The following ACSF2 variants were observed in gnomAD, a reference collection of about 807,000 sequenced individuals.
The protein encoded by ACSF2 is medium-chain acyl-CoA ligase ACSF2, mitochondrial.
Under a neutral mutation model 79.3 loss-of-function variants are expected in ACSF2, and 52 were observed. The ratio of observed to expected loss-of-function variants is 0.66; its 90% CI spans 0.53 to 0.83. The LOEUF is 0.83. ACSF2 is among the 40% of genes least tolerant of loss of function. ACSF2 has a pLI of 0.00. For synonymous variants in ACSF2, 283 were observed against 312.6 expected (o/e 0.91, Z 1.00); for missense variants, 661 against 803.3 (o/e 0.82, Z 2.14).
rs548579220 is a variant in ACSF2 at position 50,437,195 on chromosome 17, C to T, written c.128+10806C>T. On this transcript the variant is annotated intron_variant, in intron 1 of 15. Coordinates refer to ENST00000300441, the MANE Select transcript of ACSF2 (RefSeq NM_025149.6). ...AACTTTCAGTGGTGTGCAAGGGAGA[C>T]GGGAAGGGAGAGCCTGCCTTTCGAC... 1.6e-3 allele frequency among the ~76,000 whole-genome samples: 243 copies of T among 152,208 alleles called. 2 individuals are homozygous for T. Among genetic ancestry groups the T allele is most frequent in the African/African-American group, 5.4e-3 (223 of 41,512 alleles).
chr17:50,462,138 T>G, intron 4 of ACSF2, 46 bp from the exon 5 acceptor site: 1 of 1,567,904 alleles, frequency 6.4e-7, no homozygotes, highest in Non-Finnish European at 8.8e-7. Context: ...AGAGCTCTAG[T>G]CTGGGGCTCC....
intron 1 of ACSF2, among the ~76,000 whole-genome samples, chr17:50,429,088 C>T (rs982254952): frequency 6.6e-6 from 1 of 152,268 alleles, no homozygotes; most frequent in Admixed American, 6.5e-5. Flanking sequence ...TTACCAGACC[C>T]TGGTTTTGCC....
At chr17:50,464,360 A>G (rs2032545077) in intron 10 of ACSF2, 66 bp downstream of exon 10, 4 of 1,490,056 alleles carry the variant, frequency 2.7e-6, no homozygotes, top group Non-Finnish European at 3.7e-6. Context: ...ATGGACAGAC[A>G]TGGGGATGAG....
chr17:50,455,238 C>T (rs1229064364), intron 1 of ACSF2, among the ~76,000 whole-genome samples: 1 of 152,216 alleles, frequency 6.6e-6, no homozygotes, highest in Non-Finnish European at 1.5e-5. Flanking sequence ...CCACCTCGGC[C>T]TCCCAAAGTG....
intron 10 of ACSF2, chr17:50,465,645 A>G (rs1284195999): frequency 1.3e-6 from 2 of 1,584,210 alleles, no homozygotes; most frequent in Non-Finnish European, 8.7e-7. Context: ...GTCTTAGTGC[A>G]GGGCTAATGT....
intron 1 of ACSF2, chr17:50,460,466 A>G: frequency 1.7e-6 from 1 of 589,204 alleles, no homozygotes; most frequent in South Asian, 2.0e-5. Context: ...AGCTTGGTGT[A>G]ACCTTGTCCC....
intron 1 of ACSF2, among the ~76,000 whole-genome samples, chr17:50,440,870 A>C (rs897406330): frequency 2.0e-5 from 3 of 152,240 alleles, no homozygotes. Context: ...GAGCAGAACA[A>C]TGAGAGAAGA....
intron 12 of ACSF2, chr17:50,472,845 A>C: frequency 2.8e-6 from 1 of 362,774 alleles, no homozygotes. Context: ...GCAAATTCTT[A>C]CTAGAATTCC....
chr17:50,428,214 G>A (rs772813809), intron 1 of ACSF2, among the ~76,000 whole-genome samples: 9 of 152,208 alleles, frequency 5.9e-5, no homozygotes, highest in Non-Finnish European at 1.0e-4. Context: ...AGGCTGGGTG[G>A]GTGGCTCATG....
Position 50,454,382 on chromosome 17 carries a change from C to CA in ACSF2, c.129-6287dup, listed in dbSNP as rs537100624. On this transcript the variant is annotated intron_variant, in intron 1 of 15. Coordinates refer to ENST00000300441, the MANE Select transcript of ACSF2 (RefSeq NM_025149.6). ...AAATAAATAATTTAATTTTCAAAAG[C>CA]AAAAAAAAGAAAAAAGAAAGGAGAT... Among the ~76,000 whole-genome samples the CA allele has an allele frequency of 8.9e-4, 134 of 150,312 alleles. 1 individual carries two copies. The highest frequency in any genetic ancestry group is 8.7e-3 in the South Asian group (41 of 4,736).
chr17:50,437,365 C>T (rs1438027480), intron 1 of ACSF2, among the ~76,000 whole-genome samples: 1 of 152,146 alleles, frequency 6.6e-6, no homozygotes, highest in African/African-American at 2.4e-5. Flanking sequence ...AAATGTTGGT[C>T]TTGGCTAGGC....
In ACSF2 at chr17:50,473,971, G is replaced by A. The variant is rs112708565; in HGVS notation, c.1695G>A (p.Thr565=). Residue 565 remains threonine, a synonymous_variant, in exon 14 of 16, where the codon ACG becomes ACA. Coordinates refer to ENST00000300441, the MANE Select transcript of ACSF2 (RefSeq NM_025149.6). The part of the protein sequence containing the change: ...CIRLKDGEET[T]VEEIKAFCKG... ...GGCTGAAGGACGGGGAGGAGACCACGGTGGAGGAGATAAAAGCTTTCTGCA... is the reference window on the plus strand; with the variant it reads ...GGCTGAAGGACGGGGAGGAGACCACAGTGGAGGAGATAAAAGCTTTCTGCA... 3.7e-5 allele frequency: 57 copies of A among 1,528,132 alleles called. No individual in the cohort carries two copies. Among genetic ancestry groups the A allele is most frequent in the Admixed American group, 8.5e-5 (4 of 47,072 alleles). The allele number at this position is 1,528,132 out of a possible 1,614,324, so 94.7% of individuals were successfully genotyped here. A position where few individuals can be genotyped will look rare whatever the true frequency, so the allele number is the denominator to read the frequency against.
chr17:50,432,783 C>CTAAA (rs1479928161), intron 1 of ACSF2, among the ~76,000 whole-genome samples: 1 of 152,208 alleles, frequency 6.6e-6, no homozygotes, highest in African/African-American at 2.4e-5. Flanking sequence ...CTTAGTGTGG[C>CTAAA]TTTAGGCAAG....
intron 1 of ACSF2, among the ~76,000 whole-genome samples, chr17:50,447,517 G>A (rs2143607199): frequency 6.6e-6 from 1 of 151,764 alleles, no homozygotes; most frequent in South Asian, 2.1e-4. Context: ...ACTCCAGCCT[G>A]GGCCACAGAG....
At chr17:50,468,631 G>A (rs776285818) in intron 10 of ACSF2, 1 of 1,614,252 alleles carries the variant, frequency 6.2e-7, no homozygotes, top group South Asian at 1.1e-5. Context: ...CCGGGAAGTT[G>A]TTGCGCTGTA....
intron 10 of ACSF2, chr17:50,468,951 G>T: frequency 7.1e-7 from 1 of 1,403,964 alleles, no homozygotes; most frequent in South Asian, 1.6e-5. Context: ...CAGCTCCTAC[G>T]TGGAGCATCG....
At chr17:50,467,468 G>A (rs1333301723) in intron 10 of ACSF2, among the ~76,000 whole-genome samples, 1 of 152,168 alleles carries the variant, frequency 6.6e-6, no homozygotes. Flanking sequence ...GTGTGGATTG[G>A]GCAGGGCCAT....
chr17:50,435,381 G>A (rs1455010137), intron 1 of ACSF2, among the ~76,000 whole-genome samples: 1 of 151,578 alleles, frequency 6.6e-6, no homozygotes, highest in East Asian at 1.9e-4. Flanking sequence ...TCTTAAAAGG[G>A]TCTTTTGCAG....
chr17:50,463,427 C>T lies in ACSF2; in HGVS notation c.921C>T (p.Asn307=). 5 of 1,614,124 alleles carry T rather than the reference C, an allele frequency of 3.1e-6. No individual in the cohort carries two copies. Among genetic ancestry groups the T allele is most frequent in the Non-Finnish European group, 4.2e-6 (5 of 1,180,026 alleles). ...TPEQLRMILP[N]PLYHCLGSVA... ...AGCAGTTGCGGATGATCCTGCCCAA[C>T]CCCCTGTACCATTGCCTGGGTTCCG... Residue 307 remains asparagine, a synonymous_variant, in exon 8 of 16, where the codon AAC becomes AAT. Transcript: ENST00000300441. This position sits in a 1 kb window ranked among gnomAD's most constrained non-coding sequence, Gnocchi z 4.6.
Sources: allele counts gnomAD v4.1 joint callset (sites outside exome capture counted in the v4.1 genomes callset), GRCh38; gene constraint gnomAD v4.1.1; non-coding constraint Gnocchi (gnomAD v3.1); transcripts MANE v1.5; gene names NCBI Gene and HGNC (gene_info 2026-07-23, HGNC 2026-07-21).